Variants in LRRC4C observed in about 807,000 individuals in gnomAD.
LRRC4C encodes leucine-rich repeat-containing protein 4C.
A neutral mutation model predicts 33.6 loss-of-function variants in LRRC4C; 5 were observed. The ratio of observed to expected loss-of-function variants is 0.15; its 90% CI spans 0.08 to 0.31. The LOEUF (loss-of-function observed/expected upper bound fraction) is 0.31. LRRC4C is among the 10% of genes least tolerant of loss of function. LRRC4C has a pLI of 1.00. For missense variants in LRRC4C, 560 were observed against 796.7 expected, an observed-to-expected ratio of 0.70 and a Z score of 3.58; for synonymous variants, 329 against 302.0, an observed-to-expected ratio of 1.09 and a Z score of -0.93.
At chr11:40,918,944 G>C (rs1191248118) in intron 2 of LRRC4C, among the ~76,000 whole-genome samples, 1 of 152,040 alleles carries the variant, frequency 6.6e-6, no homozygotes, top group Non-Finnish European at 1.5e-5. Flanking sequence ...GTGGCATCAA[G>C]GAAAATTGAG....
intron 1 of LRRC4C, among the ~76,000 whole-genome samples, chr11:41,251,117 T>G (rs1948625257): frequency 6.6e-6 from 1 of 152,288 alleles, no homozygotes; most frequent in African/African-American, 2.4e-5. Context: ...CCTCAAATGA[T>G]AAAGTATTTA....
At chr11:40,925,717 G>C (rs1489355678) in intron 2 of LRRC4C, among the ~76,000 whole-genome samples, 1 of 152,126 alleles carries the variant, frequency 6.6e-6, no homozygotes, top group Non-Finnish European at 1.5e-5. Context: ...ATGTAGCTGA[G>C]TCCCCATGGT....
intron 1 of LRRC4C, among the ~76,000 whole-genome samples, chr11:41,242,997 C>T (rs935406343): frequency 3.3e-5 from 5 of 152,110 alleles, no homozygotes; most frequent in African/African-American, 4.8e-5. Context: ...AAAATTCTAT[C>T]CCTGTTTTTG....
chr11:40,320,832 G>C (rs1285274918), intron 3 of LRRC4C, among the ~76,000 whole-genome samples: 1 of 152,090 alleles, frequency 6.6e-6, no homozygotes, highest in Non-Finnish European at 1.5e-5. Context: ...TTTTGTGGAA[G>C]CAAAACTCCC....
intron 3 of LRRC4C, among the ~76,000 whole-genome samples, chr11:40,469,108 C>G (rs1330777058): frequency 6.6e-6 from 1 of 152,210 alleles, no homozygotes; most frequent in African/African-American, 2.4e-5. Flanking sequence ...TGAATAGGAA[C>G]AGCTCTGGTC....
At chr11:41,114,410 T>A (rs887865831) in intron 1 of LRRC4C, among the ~76,000 whole-genome samples, 3 of 152,094 alleles carry the variant, frequency 2.0e-5, no homozygotes, top group African/African-American at 7.2e-5. Context: ...GCTACCTTAC[T>A]TGATATATAA....
At chr11:41,212,708 C>A (rs1946873362) in intron 1 of LRRC4C, among the ~76,000 whole-genome samples, 1 of 152,180 alleles carries the variant, frequency 6.6e-6, no homozygotes. Flanking sequence ...TAATAGCTTC[C>A]ATTTATCGAA....
rs147011698 is a variant in LRRC4C, at chr11:41,411,863, C to T, written c.-496+47568G>A. 2.2e-3 allele frequency among the ~76,000 whole-genome samples: 341 copies of T among 152,208 alleles called. 1 individual carries two copies. The highest frequency in any genetic ancestry group is 6.0e-3 in the African/African-American group (248 of 41,514). On this transcript the variant is annotated intron_variant, in intron 1 of 6. Transcript: ENST00000528697. ...GTAAGTGTGGGTGTATGTGGGTGCA[C>T]CTTGTGATGCAATGGAGTCCTGCCC... is the stretch of plus-strand genomic sequence containing the variant.
At chr11:40,214,672 C>T (rs1863846559) in intron 5 of LRRC4C, among the ~76,000 whole-genome samples, 1 of 152,272 alleles carries the variant, frequency 6.6e-6, no homozygotes, top group African/African-American at 2.4e-5. Context: ...ATGTGCAAGT[C>T]AGTAAGACAG....
intron 1 of LRRC4C, among the ~76,000 whole-genome samples, chr11:41,238,262 AT>A (rs1297141278): frequency 6.6e-6 from 1 of 152,154 alleles, no homozygotes; most frequent in Non-Finnish European, 1.5e-5. Context: ...TATGACTTCT[AT>A]TTACCTCTTT....
At chr11:41,064,913 G>A (rs761056061) in intron 1 of LRRC4C, among the ~76,000 whole-genome samples, 1 of 152,096 alleles carries the variant, frequency 6.6e-6, no homozygotes, top group Non-Finnish European at 1.5e-5. Flanking sequence ...TTCGCAGTCC[G>A]CGGATCAGAA....
intron 3 of LRRC4C, among the ~76,000 whole-genome samples, chr11:40,339,909 G>C (rs1309200633): frequency 6.6e-6 from 1 of 152,090 alleles, no homozygotes; most frequent in Non-Finnish European, 1.5e-5. Flanking sequence ...AATATGTTGA[G>C]TAAAAAGGAA....
intron 3 of LRRC4C, among the ~76,000 whole-genome samples, chr11:40,590,586 G>GT (rs1182128809): frequency 1.8e-4 from 28 of 152,192 alleles, no homozygotes; most frequent in African/African-American, 6.0e-4. Flanking sequence ...TTTCTGTTCT[G>GT]TTTTTTCCCC....
chr11:40,434,066 A>G (rs1204934848), intron 3 of LRRC4C, among the ~76,000 whole-genome samples: 2 of 152,194 alleles, frequency 1.3e-5, no homozygotes, highest in Admixed American at 6.5e-5. Flanking sequence ...AAATTTCCTT[A>G]TCTGGCAGTT....
intron 3 of LRRC4C, among the ~76,000 whole-genome samples, chr11:40,612,670 CATACAG>C (rs1221670063): frequency 1.3e-5 from 2 of 151,812 alleles, no homozygotes; most frequent in African/African-American, 4.8e-5. Context: ...TCGTGGTCTG[CATACAG>C]AACACTATCC....
intron 3 of LRRC4C, among the ~76,000 whole-genome samples, chr11:40,597,588 G>A (rs984279355): frequency 2.6e-5 from 4 of 152,036 alleles, no homozygotes; most frequent in Non-Finnish European, 1.5e-5. Context: ...GTAACAGTAA[G>A]TTGAGGAACA....
intron 5 of LRRC4C, among the ~76,000 whole-genome samples, chr11:40,201,138 C>A (rs1376124284): frequency 6.6e-6 from 1 of 152,144 alleles, no homozygotes; most frequent in Admixed American, 6.5e-5. Context: ...GTGTATCCAT[C>A]CTGCAGGCAC....
chr11:40,621,950 A>G (rs1349035001), intron 3 of LRRC4C, among the ~76,000 whole-genome samples: 1 of 151,830 alleles, frequency 6.6e-6, no homozygotes, highest in Non-Finnish European at 1.5e-5. Context: ...CACAACTGGG[A>G]TGGAGAGCTG....
intron 2 of LRRC4C, among the ~76,000 whole-genome samples, chr11:40,724,332 CTCCAAGACCAAGCGTGTGCT>C (rs1947180987): frequency 6.6e-6 from 1 of 152,112 alleles, no homozygotes; most frequent in Non-Finnish European, 1.5e-5. Flanking sequence ...ACAGAACATA[CTCCAAGACCAAGCGTGTGCT>C]TGGTGATAAA....
Sources: allele counts gnomAD v4.1 joint callset (sites outside exome capture counted in the v4.1 genomes callset), GRCh38; gene constraint gnomAD v4.1.1; transcripts MANE v1.5; gene names NCBI Gene and HGNC (gene_info 2026-07-23, HGNC 2026-07-21).